The following MYSM1 variants were observed in gnomAD, a reference collection of about 807,000 sequenced individuals.
MYSM1 encodes Myb like, SWIRM and MPN domains 1.
MYSM1 carries 51 observed loss-of-function variants against 116.0 expected under a neutral mutation model. The observed-to-expected ratio is 0.44, with a 90% CI of 0.35 to 0.56. MYSM1 has a LOEUF of 0.56. Among genes scored for constraint, MYSM1 ranks in the 20% least tolerant of loss-of-function variants. The pLI, the probability that MYSM1 is intolerant of heterozygous loss-of-function variation, is 0.00. For missense variants in MYSM1, 900 were observed against 974.9 expected, an observed-to-expected ratio of 0.92 and a Z score of 1.02; for synonymous variants, 313 against 315.2, an observed-to-expected ratio of 0.99 and a Z score of 0.07.
chr1:58,681,335 T>C lies in MYSM1; in HGVS notation c.1259+450A>G, dbSNP rs141789684. Among the ~76,000 whole-genome samples, 1,358 of 152,342 alleles carry C rather than the reference T, an allele frequency of 8.9e-3. 13 individuals carry two copies. Among genetic ancestry groups the C allele is most frequent in the Middle Eastern group, 0.027 (8 of 294 alleles). On this transcript the variant is annotated intron_variant, in intron 8 of 19. Coordinates refer to ENST00000472487, the MANE Select transcript of MYSM1 (RefSeq NM_001085487.3). ...GATGAAGAAATTAATAGCACATTAT[T>C]GTCACAAGTTCAAAGTTAAAAGCAT...
intron 14 of MYSM1, 63 bp downstream of exon 14, chr1:58,668,569 G>A: frequency 2.6e-6 from 4 of 1,531,910 alleles, no homozygotes; most frequent in East Asian, 2.4e-5. Context: ...TCTTACGCCT[G>A]CAATAAAAAT....
rs1282135402 is a variant in MYSM1 at position 58,682,517 on chromosome 1, G to A, written c.527C>T (p.Pro176Leu). 1.2e-6 allele frequency: 2 copies of A among 1,611,298 alleles called. No homozygotes were observed. The highest frequency in any genetic ancestry group is 1.7e-6 in the Non-Finnish European group (2 of 1,178,780). The change falls in exon 8 of 20, where the codon CCA becomes CTA. Residue 176 changes from proline to leucine, a missense_variant. This residue lies in a region of MYSM1 where 622 missense variants were observed against 623.7 expected (regional missense o/e 1.00). Coordinates refer to ENST00000472487, the MANE Select transcript of MYSM1 (RefSeq NM_001085487.3). ...KVKCGLDKETPNQKTGHNLQV... is the reference protein window; with the variant it reads ...KVKCGLDKETLNQKTGHNLQV... ...AAGATTATGGCCGGTCTTCTGATTT[G>A]GTGTTTCTTTATCCAGACCGCATTT...
rs895643438 is a variant in MYSM1, at chr1:58,657,570, T to C, written c.*2427A>G. The C allele has an allele frequency of 6.6e-6, 1 of 152,128 alleles. No individual in the cohort carries two copies. The highest frequency in any genetic ancestry group is 1.5e-5 in the Non-Finnish European group (1 of 68,028). 9.4% of individuals were successfully genotyped at this position (152,128 alleles called of 1,614,324 possible). Reference sequence around the variant, plus strand: ...AAGAAAAAGGAAGCAGGGAAAATGATGGAGGAAGAGAGAAAGAAGTAACCA... The same window carrying C: ...AAGAAAAAGGAAGCAGGGAAAATGACGGAGGAAGAGAGAAAGAAGTAACCA... On this transcript the variant is annotated 3_prime_UTR_variant, in exon 20 of 20. Transcript: ENST00000472487.
At chr1:58,682,891 T>C (rs1644770229) in intron 7 of MYSM1, among the ~76,000 whole-genome samples, 1 of 152,132 alleles carries the variant, frequency 6.6e-6, no homozygotes, top group Non-Finnish European at 1.5e-5. Flanking sequence ...GAGATGGGGT[T>C]TCACCATGTT....
intron 1 of MYSM1, among the ~76,000 whole-genome samples, chr1:58,697,368 G>A (rs1044446828): frequency 6.6e-6 from 1 of 152,066 alleles, no homozygotes; most frequent in Non-Finnish European, 1.5e-5. Flanking sequence ...GATCTGGGTT[G>A]GTAACAGATT....
intron 7 of MYSM1, among the ~76,000 whole-genome samples, chr1:58,683,992 A>T (rs6686043): frequency 0.57 from 86,303 of 151,832 alleles, 24,828 homozygotes; most frequent in East Asian, 0.64. Context: ...TGGAAGCCTA[A>T]GAGTAAGAAT....
chr1:58,671,339 G>A (rs868706223), intron 12 of MYSM1, among the ~76,000 whole-genome samples: 2 of 152,028 alleles, frequency 1.3e-5, no homozygotes, highest in African/African-American at 4.8e-5. Flanking sequence ...ACATTTATCA[G>A]GCAAAAATAT....
chr1:58,655,462 G>A lies in MYSM1; in HGVS notation c.*4535C>T, dbSNP rs900429151. The A allele has an allele frequency of 7.1e-6, 1 of 140,666 alleles. No individual in the cohort carries two copies. 8.7% of individuals were successfully genotyped at this position (140,666 alleles called of 1,614,324 possible). A position where few individuals can be genotyped will look rare whatever the true frequency, so the allele number is the denominator to read the frequency against. On this transcript the variant is annotated 3_prime_UTR_variant, in exon 20 of 20. Coordinates refer to ENST00000472487, the MANE Select transcript of MYSM1 (RefSeq NM_001085487.3). ...TCTTGGCATAATCACAGCTCCCCTG[G>A]GATATTTTTATTTTTTCCTGATTTA...
At chr1:58,690,524 C>T in intron 3 of MYSM1, 107 bp from the exon 4 acceptor site, 1 of 718,996 alleles carries the variant, frequency 1.4e-6, no homozygotes, top group South Asian at 2.6e-5. Context: ...GTTCCCTTGT[C>T]TTCCCAATTA....
chr1:58,667,215 T>G lies in MYSM1; in HGVS notation c.1854A>C (p.Ala618=). ...CTGTACTCAGACTGTTACATGGTTC[T>G]GCTGCACAGACCTATAAACGATTGA... The part of the protein sequence containing the change: ...EVDKVVEVCA[A]EPCNSLSTGL... The change falls in exon 16 of 20, where the codon GCA becomes GCC. Residue 618 remains alanine, a synonymous_variant. Transcript: ENST00000472487. 1 of 1,584,734 alleles carries G rather than the reference T, an allele frequency of 6.3e-7. No individual in the cohort carries two copies. Among genetic ancestry groups the G allele is most frequent in the Non-Finnish European group, 8.6e-7 (1 of 1,163,310 alleles).
At chr1:58,690,478 T>G in intron 3 of MYSM1, 61 bp from the exon 4 acceptor site, 1 of 1,205,562 alleles carries the variant, frequency 8.3e-7, no homozygotes, top group Non-Finnish European at 1.2e-6. Context: ...TTTACATTAC[T>G]TATACAAAAC....
intron 19 of MYSM1, 79 bp downstream of exon 19, chr1:58,661,091 G>C: frequency 1.0e-6 from 1 of 982,548 alleles, no homozygotes; most frequent in South Asian, 1.3e-5. Context: ...AAAGTATTAG[G>C]CATCATGGGA....
At chr1:58,674,039 G>GT (rs1167818185) in intron 10 of MYSM1, among the ~76,000 whole-genome samples, 3 of 151,926 alleles carry the variant, frequency 2.0e-5, no homozygotes, top group African/African-American at 7.2e-5. Context: ...AAAATTTTGG[G>GT]TTTTTTTTGA....
chr1:58,668,917 T>C, intron 13 of MYSM1, 67 bp downstream of exon 13: 21 of 1,197,870 alleles, frequency 1.8e-5, no homozygotes, highest in Middle Eastern at 1.9e-4. Flanking sequence ...GGAAAAAGAG[T>C]AAGCATTTCC....
chr1:58,676,901 G>T (rs1644661404), intron 9 of MYSM1, 25 bp downstream of exon 9: 1 of 1,604,946 alleles, frequency 6.2e-7, no homozygotes, highest in African/African-American at 1.3e-5. Context: ...TCGAGTAAAA[G>T]ATGTTGTTGG....
In MYSM1 at chr1:58,654,839, G is replaced by A. The variant is rs1644298620; in HGVS notation, c.*5158C>T. The A allele has an allele frequency of 6.6e-6, 1 of 152,068 alleles. No individual in the cohort carries two copies. Among genetic ancestry groups the A allele is most frequent in the Non-Finnish European group, 1.5e-5 (1 of 68,002 alleles). The allele number at this position is 152,068 out of a possible 1,614,324, so 9.4% of individuals were successfully genotyped here. A position where few individuals can be genotyped will look rare whatever the true frequency, so the allele number is the denominator to read the frequency against. On this transcript the variant is annotated 3_prime_UTR_variant, in exon 20 of 20. Coordinates refer to ENST00000472487, the MANE Select transcript of MYSM1 (RefSeq NM_001085487.3). ...AGCTTAAAATCAGATATCTTATAAT[G>A]TGTCACAATTAAGTATGGAGAGTTC...
rs201737420 is a variant in MYSM1, at chr1:58,671,951, G to A, written c.1580C>T (p.Ser527Phe). The A allele has an allele frequency of 1.3e-4, 205 of 1,612,550 alleles. No individual in the cohort carries two copies. The highest frequency in any genetic ancestry group is 5.1e-6 in the Non-Finnish European group (6 of 1,179,468). The change falls in exon 12 of 20, where the codon TCT (serine) becomes TTT (phenylalanine). Residue 527 changes from serine to phenylalanine, a missense_variant. By Grantham distance (155) the Ser-to-Phe change is radical (BLOSUM62 -2). This residue lies in a region of MYSM1 where 622 missense variants were observed against 623.7 expected (regional missense o/e 1.00). Coordinates refer to ENST00000472487, the MANE Select transcript of MYSM1 (RefSeq NM_001085487.3). ...DLEGQTFEHLSAEELAKRREE... is the reference protein window; with the variant it reads ...DLEGQTFEHLFAEELAKRREE... ...TCTTCTTTTTGCCAACTCCTCAGCA[G>A]AGAGATGCTAAAACAAAATGCCAAT...
chr1:58,677,166 A>G, intron 8 of MYSM1, 110 bp from the exon 9 acceptor site: 1 of 886,138 alleles, frequency 1.1e-6, no homozygotes, highest in Non-Finnish European at 1.7e-6. Context: ...ACCCCTTTCA[A>G]TGTATAAATG....
intron 17 of MYSM1, among the ~76,000 whole-genome samples, chr1:58,663,666 C>T (rs925533457): frequency 2.0e-5 from 3 of 152,208 alleles, no homozygotes; most frequent in African/African-American, 7.2e-5. Flanking sequence ...GTAGTTCTTT[C>T]CCATCTGGGC....
Sources: allele counts gnomAD v4.1 joint callset (sites outside exome capture counted in the v4.1 genomes callset), GRCh38; gene constraint gnomAD v4.1.1; regional missense constraint gnomAD v4.1.1; transcripts MANE v1.5; gene names NCBI Gene and HGNC (gene_info 2026-07-23, HGNC 2026-07-21).